PGCKA1: variants seen among roughly 807,000 people sequenced by gnomAD.
PGCKA1 encodes the protein PDCD10 and GCKIII kinases-associated protein 1.
At chr4:37,494,904 G>A in the PGCKA1 span, among the ~76,000 whole-genome samples, 3 of 151,676 alleles carry the variant, frequency 2.0e-5, no homozygotes, top group South Asian at 2.1e-4. Context: ...TCATATGTTT[G>A]TTGGGTGAAC....
the PGCKA1 span, among the ~76,000 whole-genome samples, chr4:37,508,302 A>C: frequency 8.6e-5 from 13 of 152,030 alleles, no homozygotes; most frequent in Non-Finnish European, 1.9e-4. Context: ...CTTCTCCCCT[A>C]TCTCTTTCTC....
At chr4:37,464,838 A>G in the PGCKA1 span, among the ~76,000 whole-genome samples, 1 of 152,320 alleles carries the variant, frequency 6.6e-6, no homozygotes, top group East Asian at 1.9e-4. Flanking sequence ...TAAAACCTAT[A>G]ATCAATTCCA....
chr4:37,560,578 C>A, the PGCKA1 span, among the ~76,000 whole-genome samples: 5 of 152,166 alleles, frequency 3.3e-5, no homozygotes, highest in African/African-American at 1.2e-4. Flanking sequence ...TCCCCTCCAC[C>A]ACACACCATT....
chr4:37,569,181 ATTTC>A, the PGCKA1 span, among the ~76,000 whole-genome samples: 3 of 151,252 alleles, frequency 2.0e-5, no homozygotes, highest in African/African-American at 4.9e-5. Flanking sequence ...TAAGAAGTGA[ATTTC>A]TTTATTTTTA....
At chr4:37,526,406 T>C in the PGCKA1 span, among the ~76,000 whole-genome samples, 2 of 152,238 alleles carry the variant, frequency 1.3e-5, no homozygotes, top group Non-Finnish European at 2.9e-5. Flanking sequence ...CTAAAGTACC[T>C]CAGTGGACTA....
the PGCKA1 span, among the ~76,000 whole-genome samples, chr4:37,475,409 T>C: frequency 1.1e-4 from 17 of 152,266 alleles, no homozygotes; most frequent in African/African-American, 4.1e-4. Flanking sequence ...ACCCTTTAAA[T>C]ACAGGCTGCC....
chr4:37,487,903 T>C, the PGCKA1 span, among the ~76,000 whole-genome samples: 1 of 152,242 alleles, frequency 6.6e-6, no homozygotes, highest in East Asian at 1.9e-4. Context: ...TTCTTTTTTA[T>C]TGCTTAGTAG....
the PGCKA1 span, among the ~76,000 whole-genome samples, chr4:37,581,036 G>C: frequency 6.6e-6 from 1 of 152,160 alleles, no homozygotes; most frequent in Non-Finnish European, 1.5e-5. This position sits in a 1 kb window ranked among gnomAD's most constrained non-coding sequence, Gnocchi z 4.4. Flanking sequence ...GGCCCACAGA[G>C]AGTATTGCCA....
chr4:37,515,978 A>G, the PGCKA1 span, among the ~76,000 whole-genome samples: 1 of 150,070 alleles, frequency 6.7e-6, no homozygotes, highest in Non-Finnish European at 1.5e-5. Context: ...TGATACCTCT[A>G]TACTTTTTTT....
chr4:37,507,566 A>G, the PGCKA1 span, among the ~76,000 whole-genome samples: 1 of 152,098 alleles, frequency 6.6e-6, no homozygotes, highest in Admixed American at 6.5e-5. Flanking sequence ...CTAACTCTAT[A>G]TTTTAACTTT....
the PGCKA1 span, among the ~76,000 whole-genome samples, chr4:37,456,535 GA>G: frequency 2.6e-5 from 4 of 152,202 alleles, no homozygotes; most frequent in Non-Finnish European, 5.9e-5. Flanking sequence ...ATTAACAAAT[GA>G]CAAAAGGAAT....
the PGCKA1 span, among the ~76,000 whole-genome samples, chr4:37,535,044 C>T: frequency 2.6e-5 from 4 of 152,148 alleles, no homozygotes; most frequent in Admixed American, 1.3e-4. Flanking sequence ...AAGAGAGTGC[C>T]ATGAGAGTTC....
At chr4:37,530,163 A>T in the PGCKA1 span, among the ~76,000 whole-genome samples, 1 of 152,220 alleles carries the variant, frequency 6.6e-6, no homozygotes, top group Non-Finnish European at 1.5e-5. Context: ...AACTTCTAGC[A>T]CGTAATAGAC....
chr4:37,513,911 G>T, the PGCKA1 span, among the ~76,000 whole-genome samples: 3 of 152,150 alleles, frequency 2.0e-5, no homozygotes, highest in Admixed American at 2.0e-4. Context: ...ATCGAAAAAT[G>T]GTATATTGAG....
chr4:37,559,760 T>C, the PGCKA1 span, among the ~76,000 whole-genome samples: 2,263 of 152,262 alleles, frequency 0.015, 73 homozygotes, highest in African/African-American at 0.052. Context: ...TATTTCTCTC[T>C]GAGTCTCCTT....
At chr4:37,519,919 G>T in the PGCKA1 span, among the ~76,000 whole-genome samples, 4 of 152,102 alleles carry the variant, frequency 2.6e-5, no homozygotes, top group Admixed American at 1.3e-4. Context: ...CTTTTATTAT[G>T]TTGAGGTATA....
At chr4:37,454,464 G>GT in the PGCKA1 span, among the ~76,000 whole-genome samples, 13 of 152,110 alleles carry the variant, frequency 8.5e-5, no homozygotes, top group East Asian at 1.9e-4. Flanking sequence ...TTTTAAGTAT[G>GT]TTTTTTAATA....
the PGCKA1 span, among the ~76,000 whole-genome samples, chr4:37,493,505 T>C: frequency 5.9e-5 from 9 of 152,298 alleles, no homozygotes; most frequent in South Asian, 1.9e-3. Flanking sequence ...CCTCTCCCCT[T>C]TCCCTGCCAC....
At chr4:37,564,310 A>C in the PGCKA1 span, among the ~76,000 whole-genome samples, 2 of 150,868 alleles carry the variant, frequency 1.3e-5, no homozygotes, top group African/African-American at 2.4e-5. Flanking sequence ...AAAACCGAAT[A>C]TTCTCGCAGA....
Sources: gnomAD v4.1 joint callset for allele counts (sites outside exome capture counted in the v4.1 genomes callset) on GRCh38, gnomAD v4.1.1 for gene constraint, Gnocchi (gnomAD v3.1) non-coding constraint, MANE v1.5 for transcripts, NCBI Gene and HGNC (gene_info 2026-07-23, HGNC 2026-07-21) for gene names.